The following TAF2 variants were observed in gnomAD, a reference collection of about 807,000 sequenced individuals.
The protein encoded by TAF2 is transcription initiation factor TFIID subunit 2.
A neutral mutation model predicts 138.5 loss-of-function variants in TAF2; 61 were observed. That is an observed-to-expected ratio of 0.44 (90% CI 0.36 to 0.54). The LOEUF (loss-of-function observed/expected upper bound fraction) is 0.54. Ranked by LOEUF, TAF2 falls within the 20% of genes least tolerant of loss-of-function variation. The probability of loss-of-function intolerance (pLI) is 0.00; values close to 1 mark genes in which losing one functional copy is unlikely to be tolerated. For synonymous variants in TAF2, 475 were observed against 469.9 expected (o/e 1.01, Z -0.14); for missense variants, 1,090 against 1,427.9 (o/e 0.76, Z 3.81).
intron 15 of TAF2, among the ~76,000 whole-genome samples, chr8:119,784,682 A>G (rs1822897530): frequency 6.6e-6 from 1 of 152,248 alleles, no homozygotes; most frequent in South Asian, 2.1e-4. Flanking sequence ...ACTGTCAATC[A>G]ATAAATATTA....
At chr8:119,777,731 T>C (rs1287185778) in intron 18 of TAF2, among the ~76,000 whole-genome samples, 1 of 152,192 alleles carries the variant, frequency 6.6e-6, no homozygotes, top group African/African-American at 2.4e-5. Flanking sequence ...TATCAAGTTT[T>C]AACTGGCTAC....
intron 5 of TAF2, among the ~76,000 whole-genome samples, chr8:119,802,738 C>A (rs1824351456): frequency 1.3e-5 from 2 of 152,074 alleles, no homozygotes; most frequent in African/African-American, 4.8e-5. Context: ...CATGGTGAAA[C>A]CCTGTCTCTA....
At chr8:119,773,988 G>C (rs935064146) in intron 18 of TAF2, among the ~76,000 whole-genome samples, 4 of 151,556 alleles carry the variant, frequency 2.6e-5, no homozygotes, top group African/African-American at 9.7e-5. Flanking sequence ...TGGCTAACAT[G>C]GTGAAACCCT....
chr8:119,793,095 T>C (rs1490117701), intron 10 of TAF2, among the ~76,000 whole-genome samples: 1 of 151,944 alleles, frequency 6.6e-6, no homozygotes, highest in African/African-American at 2.4e-5. Context: ...TGAGACCCCA[T>C]TTAAAAAAAA....
intron 9 of TAF2, among the ~76,000 whole-genome samples, chr8:119,794,526 A>G (rs540432957): frequency 6.6e-6 from 1 of 152,364 alleles, no homozygotes; most frequent in East Asian, 1.9e-4. Flanking sequence ...CTAAAAGCCA[A>G]GCTGGAATCC....
At chr8:119,759,135 T>C (rs1024273127) in intron 20 of TAF2, among the ~76,000 whole-genome samples, 24 of 152,232 alleles carry the variant, frequency 1.6e-4, no homozygotes, top group Admixed American at 5.9e-4. Flanking sequence ...GAGAGAGATA[T>C]AGGATTACAT....
chr8:119,769,677 C>A (rs7009073), intron 18 of TAF2, among the ~76,000 whole-genome samples: 70,085 of 151,080 alleles, frequency 0.46, 16,913 homozygotes, highest in African/African-American at 0.58. Context: ...AACACAGGTG[C>A]AAGCTTTAAC....
At chr8:119,771,361 G>A (rs1215038832) in intron 18 of TAF2, among the ~76,000 whole-genome samples, 3 of 151,970 alleles carry the variant, frequency 2.0e-5, no homozygotes, top group African/African-American at 7.2e-5. Flanking sequence ...TCAGCCTCCT[G>A]AGTAGCTGGG....
At chr8:119,776,510 G>A (rs550309246) in intron 18 of TAF2, among the ~76,000 whole-genome samples, 128 of 146,660 alleles carry the variant, frequency 8.7e-4, no homozygotes, top group Middle Eastern at 3.5e-3. Flanking sequence ...GTGAAACCCC[G>A]TCTCTACTAA....
chr8:119,775,880 A>G (rs1822195638), intron 18 of TAF2, among the ~76,000 whole-genome samples: 2 of 152,208 alleles, frequency 1.3e-5, no homozygotes, highest in African/African-American at 2.4e-5. Flanking sequence ...ATTGAGTGAA[A>G]TAAAACACTA....
chr8:119,785,630 C>T (rs1158185324), intron 14 of TAF2, among the ~76,000 whole-genome samples: 5 of 152,042 alleles, frequency 3.3e-5, no homozygotes, highest in African/African-American at 7.2e-5. Context: ...AAATGGGATA[C>T]GAATAATTCT....
intron 7 of TAF2, 80 bp from the exon 8 acceptor site, chr8:119,797,183 T>A (rs903272240): frequency 9.5e-7 from 1 of 1,050,638 alleles, no homozygotes; most frequent in Non-Finnish European, 1.4e-6. Flanking sequence ...ATTCCACTTT[T>A]AAAACAATGG....
intron 3 of TAF2, among the ~76,000 whole-genome samples, chr8:119,809,969 A>T: frequency 6.8e-6 from 1 of 146,404 alleles, no homozygotes; most frequent in South Asian, 2.4e-4. Flanking sequence ...AACTTTCTTG[A>T]TGTAAGGTTA....
At chr8:119,772,317 T>C (rs2131098272) in intron 18 of TAF2, among the ~76,000 whole-genome samples, 1 of 152,220 alleles carries the variant, frequency 6.6e-6, no homozygotes, top group East Asian at 1.9e-4. Flanking sequence ...ATGACTGCAG[T>C]TGGAAGCCAT....
chr8:119,740,322 A>G (rs1014888424), intron 25 of TAF2, among the ~76,000 whole-genome samples: 4 of 151,984 alleles, frequency 2.6e-5, no homozygotes, highest in African/African-American at 9.7e-5. Flanking sequence ...TAGGAGTTGT[A>G]AAGCTTTTGT....
chr8:119,774,346 G>A (rs1201680384), intron 18 of TAF2, among the ~76,000 whole-genome samples: 1 of 151,980 alleles, frequency 6.6e-6, no homozygotes, highest in Non-Finnish European at 1.5e-5. Context: ...CTATTTTCCA[G>A]TATTTTATAT....
intron 20 of TAF2, among the ~76,000 whole-genome samples, chr8:119,759,366 C>T (rs1219951992): frequency 6.6e-6 from 1 of 152,006 alleles, no homozygotes; most frequent in African/African-American, 2.4e-5. Flanking sequence ...CCAAAAATTA[C>T]AAAGATGTAA....
Position 119,746,693 on chromosome 8 carries a change from T to C in TAF2, c.3108+12A>G. ...ATGAAACTACGTCTTCTGTAATACA[T>C]GTGATTCTTACAGGGTTCTGAAATC... On this transcript the variant is annotated intron_variant, in intron 23 of 25. Transcript: ENST00000378164. 6.2e-7 allele frequency: 1 copy of C among 1,608,814 alleles called. No homozygotes were observed. The highest frequency in any genetic ancestry group is 2.2e-5 in the East Asian group (1 of 44,844).
At chr8:119,734,065 AC>A (rs1819057177) in intron 25 of TAF2, among the ~76,000 whole-genome samples, 1 of 152,116 alleles carries the variant, frequency 6.6e-6, no homozygotes, top group African/African-American at 2.4e-5. Context: ...ATGCTGGCAA[AC>A]ATCTTAAAAT....
Sources: allele counts gnomAD v4.1 joint callset (sites outside exome capture counted in the v4.1 genomes callset), GRCh38; gene constraint gnomAD v4.1.1; transcripts MANE v1.5; gene names NCBI Gene and HGNC (gene_info 2026-07-23, HGNC 2026-07-21).